Variants in C1QTNF3 observed in about 807,000 individuals in gnomAD.
C1QTNF3 encodes complement C1q tumor necrosis factor-related protein 3.
A neutral mutation model predicts 32.6 loss-of-function variants in C1QTNF3; 26 were observed. The observed-to-expected ratio is 0.80, with a 90% CI of 0.58 to 1.11. C1QTNF3 has a LOEUF of 1.11. Among genes scored for constraint, C1QTNF3 ranks in the 50% least tolerant of loss-of-function variants. C1QTNF3 has a pLI of 0.00. For synonymous variants in C1QTNF3, 155 were observed against 146.0 expected, an observed-to-expected ratio of 1.06 and a Z score of -0.44; for missense variants, 362 against 398.2, an observed-to-expected ratio of 0.91 and a Z score of 0.77.
the C1QTNF3 span, chr5:34,158,451 T>C: frequency 1.3e-5 from 2 of 152,126 alleles, no homozygotes; most frequent in African/African-American, 4.8e-5. Flanking sequence ...TCAAACGTGA[T>C]GTGATTTCTC....
At chr5:34,216,934 A>G in the C1QTNF3 span, among the ~76,000 whole-genome samples, 2 of 152,166 alleles carry the variant, frequency 1.3e-5, no homozygotes, top group African/African-American at 4.8e-5. Context: ...TCTGCAAATA[A>G]AACGGTGTGT....
chr5:34,022,853 TTTTTG>T (rs1754370856), intron 5 of C1QTNF3, among the ~76,000 whole-genome samples: 2 of 151,982 alleles, frequency 1.3e-5, no homozygotes, highest in African/African-American at 4.8e-5. Flanking sequence ...GTTTGTTTGT[TTTTTG>T]TTTTGTTTTG....
chr5:34,105,723 A>G, the C1QTNF3 span: 8 of 151,144 alleles, frequency 5.3e-5, no homozygotes, highest in Non-Finnish European at 1.2e-4. Context: ...AGGATAGATA[A>G]TGTGGGTAAA....
At chr5:34,117,727 T>C in the C1QTNF3 span, among the ~76,000 whole-genome samples, 1 of 151,726 alleles carries the variant, frequency 6.6e-6, no homozygotes, top group Non-Finnish European at 1.5e-5. Context: ...GCCTAGATCA[T>C]GCCACTGCAC....
chr5:34,173,385 A>G, the C1QTNF3 span, among the ~76,000 whole-genome samples: 15 of 147,968 alleles, frequency 1.0e-4, no homozygotes, highest in East Asian at 3.9e-4. Flanking sequence ...TGATATTATC[A>G]GGCCTAACAA....
the C1QTNF3 span, among the ~76,000 whole-genome samples, chr5:34,177,627 C>A: frequency 3.8e-4 from 57 of 151,900 alleles, no homozygotes; most frequent in African/African-American, 1.2e-3. Context: ...GCTGGGATTA[C>A]AGGTACATGC....
chr5:34,062,404 G>A, the C1QTNF3 span, among the ~76,000 whole-genome samples: 2 of 152,102 alleles, frequency 1.3e-5, no homozygotes, highest in African/African-American at 4.8e-5. Flanking sequence ...TAAACTTTTT[G>A]TTGCCCCAGA....
At chr5:34,224,774 A>G in the C1QTNF3 span, among the ~76,000 whole-genome samples, 1 of 152,168 alleles carries the variant, frequency 6.6e-6, no homozygotes, top group East Asian at 1.9e-4. Context: ...ACCAAAAGCA[A>G]TGGCAACAAA....
At chr5:34,103,879 A>G in the C1QTNF3 span, among the ~76,000 whole-genome samples, 8 of 152,172 alleles carry the variant, frequency 5.3e-5, no homozygotes, top group African/African-American at 1.7e-4. Context: ...ATTTATTTAA[A>G]CTTGAGTTAC....
At chr5:34,084,794 TTTTTTGTTTTTTTTG>T in the C1QTNF3 span, among the ~76,000 whole-genome samples, 1 of 68,974 alleles carries the variant, frequency 1.4e-5, no homozygotes, top group African/African-American at 7.9e-5. Context: ...TTCTGGTTTT[TTTTTTGTTTTTTTTG>T]TTTTTTTTCT....
chr5:34,106,471 G>C, the C1QTNF3 span: 4 of 146,036 alleles, frequency 2.7e-5, no homozygotes, highest in Non-Finnish European at 4.5e-5. Flanking sequence ...ATGATAATTT[G>C]ATTAGTGAAA....
At chr5:34,177,409 T>G in the C1QTNF3 span, among the ~76,000 whole-genome samples, 1 of 150,238 alleles carries the variant, frequency 6.7e-6, no homozygotes, top group East Asian at 2.0e-4. Flanking sequence ...CTTGACCTAC[T>G]GGGCTCAAAC....
the C1QTNF3 span, among the ~76,000 whole-genome samples, chr5:34,099,248 A>C: frequency 6.6e-6 from 1 of 152,198 alleles, no homozygotes; most frequent in African/African-American, 2.4e-5. Context: ...ATCATTTTTT[A>C]AACGGCATGT....
chr5:34,224,399 C>G, the C1QTNF3 span, among the ~76,000 whole-genome samples: 6 of 152,292 alleles, frequency 3.9e-5, no homozygotes, highest in Admixed American at 3.3e-4. Context: ...TGACTTCAAA[C>G]TATACTACAA....
At chr5:34,155,096 C>T in the C1QTNF3 span, among the ~76,000 whole-genome samples, 1 of 152,126 alleles carries the variant, frequency 6.6e-6, no homozygotes, top group African/African-American at 2.4e-5. Context: ...GAAGTACATT[C>T]AGGGGATTTC....
the C1QTNF3 span, among the ~76,000 whole-genome samples, chr5:34,137,018 G>C: frequency 6.6e-6 from 1 of 151,682 alleles, no homozygotes; most frequent in Non-Finnish European, 1.5e-5. Flanking sequence ...CCTGGGGGAG[G>C]GATAGCATTA....
chr5:34,033,185 G>C (rs1207015815), intron 3 of C1QTNF3, 119 bp downstream of exon 3: 1 of 1,104,282 alleles, frequency 9.1e-7, no homozygotes, highest in Non-Finnish European at 1.3e-6. Context: ...AACAAACTGA[G>C]ACTCAGATTT....
the C1QTNF3 span, among the ~76,000 whole-genome samples, chr5:34,067,360 G>T: frequency 1.3e-5 from 2 of 152,256 alleles, no homozygotes; most frequent in African/African-American, 4.8e-5. Flanking sequence ...GTATTAATCT[G>T]TTCTCACACT....
At chr5:34,050,753 C>T in the C1QTNF3 span, among the ~76,000 whole-genome samples, 56 of 152,304 alleles carry the variant, frequency 3.7e-4, no homozygotes, top group South Asian at 0.011. Context: ...TCTCCTCTCA[C>T]CACCACTTGA....
Sources: gnomAD v4.1 joint callset for allele counts (sites outside exome capture counted in the v4.1 genomes callset) on GRCh38, gnomAD v4.1.1 for gene constraint, MANE v1.5 for transcripts, NCBI Gene and HGNC (gene_info 2026-07-23, HGNC 2026-07-21) for gene names.